NTM: variants seen among roughly 807,000 people sequenced by gnomAD.
NTM encodes neurotrimin.
NTM carries 13 observed loss-of-function variants against 42.1 expected under a neutral mutation model. That is an observed-to-expected ratio of 0.31 (90% CI 0.20 to 0.49). The LOEUF (loss-of-function observed/expected upper bound fraction) is 0.49, where lower values mean the gene tolerates loss of function less well. Ranked by LOEUF, NTM falls within the 20% of genes least tolerant of loss-of-function variation. The probability of loss-of-function intolerance (pLI) is 0.99; values close to 1 mark genes in which losing one functional copy is unlikely to be tolerated. For missense variants in NTM, 373 were observed against 452.8 expected (o/e 0.82, Z 1.60); for synonymous variants, 187 against 179.2 (o/e 1.04, Z -0.35).
intron 1 of NTM, among the ~76,000 whole-genome samples, chr11:131,395,315 A>G (rs1394813356): frequency 6.6e-6 from 1 of 152,230 alleles, no homozygotes; most frequent in Non-Finnish European, 1.5e-5. Context: ...AGAGAGGAAT[A>G]TTGCTTTTAT....
chr11:132,077,428 G>A (rs937895184), intron 2 of NTM, among the ~76,000 whole-genome samples: 1 of 152,196 alleles, frequency 6.6e-6, no homozygotes, highest in African/African-American at 2.4e-5. Flanking sequence ...AGGGCAAGAG[G>A]GAAAATACCA....
At chr11:131,404,194 G>A (rs755387287) in intron 1 of NTM, among the ~76,000 whole-genome samples, 9 of 151,904 alleles carry the variant, frequency 5.9e-5, no homozygotes, top group Non-Finnish European at 1.0e-4. Context: ...TCGCACTTCC[G>A]CTTTCCAGCC....
intron 1 of NTM, among the ~76,000 whole-genome samples, chr11:131,775,665 G>A (rs988150290): frequency 2.6e-5 from 4 of 152,074 alleles, no homozygotes; most frequent in African/African-American, 9.7e-5. Flanking sequence ...GCAATTCTTG[G>A]TATATGGTAT....
intron 4 of NTM, among the ~76,000 whole-genome samples, chr11:132,305,619 C>T (rs561041486): frequency 2.0e-5 from 3 of 152,126 alleles, no homozygotes; most frequent in Non-Finnish European, 4.4e-5. Flanking sequence ...AGCATTCTGG[C>T]AGGGGAAGAT....
intron 2 of NTM, among the ~76,000 whole-genome samples, chr11:132,118,034 G>A (rs2064147573): frequency 6.6e-6 from 1 of 152,182 alleles, no homozygotes; most frequent in African/African-American, 2.4e-5. Flanking sequence ...CCATCTGCCT[G>A]CCTCCATGTC....
chr11:131,868,646 C>T (rs1474965929), intron 1 of NTM, among the ~76,000 whole-genome samples: 1 of 152,226 alleles, frequency 6.6e-6, no homozygotes, highest in Non-Finnish European at 1.5e-5. Context: ...TGTCCGTGCA[C>T]ACCCTGAGCT....
chr11:131,849,227 T>C (rs1277295329), intron 1 of NTM, among the ~76,000 whole-genome samples: 1 of 152,192 alleles, frequency 6.6e-6, no homozygotes, highest in Non-Finnish European at 1.5e-5. Flanking sequence ...TAATGTGTTT[T>C]GGGTCAAGTA....
At chr11:131,646,041 C>T (rs117035419) in intron 1 of NTM, among the ~76,000 whole-genome samples, 2 of 152,326 alleles carry the variant, frequency 1.3e-5, no homozygotes, top group African/African-American at 2.4e-5. Flanking sequence ...CATGTATGTG[C>T]ATGGTTAGCA....
intron 1 of NTM, among the ~76,000 whole-genome samples, chr11:131,636,572 T>G (rs2064420724): frequency 6.6e-6 from 1 of 152,198 alleles, no homozygotes; most frequent in African/African-American, 2.4e-5. Flanking sequence ...GCAGACTGCC[T>G]GGCATCTGTG....
intron 2 of NTM, among the ~76,000 whole-genome samples, chr11:132,038,811 C>T (rs1043777611): frequency 2.0e-5 from 3 of 152,200 alleles, no homozygotes; most frequent in Non-Finnish European, 4.4e-5. Context: ...CGCCTGTCTG[C>T]CTTCCTCACG....
chr11:131,735,340 T>C (rs1021160908), intron 1 of NTM, among the ~76,000 whole-genome samples: 4 of 152,204 alleles, frequency 2.6e-5, no homozygotes, highest in African/African-American at 9.6e-5. Flanking sequence ...TGACCCTCAG[T>C]GCCTCCATCG....
At chr11:131,400,026 A>G (rs566860434) in intron 1 of NTM, among the ~76,000 whole-genome samples, 12 of 152,282 alleles carry the variant, frequency 7.9e-5, no homozygotes, top group African/African-American at 2.2e-4. Flanking sequence ...TATGCTATGT[A>G]TGGGGCCTGA....
chr11:132,189,641 T>TACACACAC (rs35740557), intron 3 of NTM, among the ~76,000 whole-genome samples: 2,150 of 149,194 alleles, frequency 0.014, 54 homozygotes, highest in African/African-American at 0.049. Flanking sequence ...TCACGGCAGA[T>TACACACAC]ACACACACAC....
chr11:132,304,203 T>C (rs988969610), intron 4 of NTM, among the ~76,000 whole-genome samples: 4 of 152,134 alleles, frequency 2.6e-5, no homozygotes, highest in Non-Finnish European at 5.9e-5. Context: ...TCTGAAGAAG[T>C]GGACCATGAT....
In NTM at chr11:131,904,303, C is replaced by T. The variant is rs898321873; in HGVS notation, c.83-7261C>T. 2.6e-5 allele frequency among the ~76,000 whole-genome samples: 4 copies of T among 151,920 alleles called. No individual in the cohort carries two copies. The East Asian group carries it at 7.8e-4, about 29-fold the overall frequency. ...CCAAGTTCCTCTGAGAGTTTAAAAC[C>T]CCAAGTTAAAACCTGGGGTTTTAAA... On this transcript the variant is annotated intron_variant, in intron 1 of 8. Coordinates refer to ENST00000683400, the MANE Select transcript of NTM (RefSeq NM_001352005.2).
chr11:131,407,161 G>A (rs2512642), intron 1 of NTM, among the ~76,000 whole-genome samples: 9,892 of 152,244 alleles, frequency 0.065, 449 homozygotes, highest in Non-Finnish European at 0.098. Context: ...TGGCTTGAGG[G>A]TGTCCAGAGA....
intron 1 of NTM, among the ~76,000 whole-genome samples, chr11:131,562,838 C>A (rs917111801): frequency 6.6e-6 from 1 of 152,228 alleles, no homozygotes; most frequent in Non-Finnish European, 1.5e-5. Flanking sequence ...CGACAAACAG[C>A]CCGAACCTTG....
intron 1 of NTM, among the ~76,000 whole-genome samples, chr11:131,666,595 A>G (rs1338684842): frequency 2.6e-5 from 4 of 152,222 alleles, no homozygotes; most frequent in Admixed American, 1.3e-4. Context: ...CATTTCTGAC[A>G]TCCTGAGATG....
At chr11:131,859,575 G>A (rs899054355) in intron 1 of NTM, among the ~76,000 whole-genome samples, 3 of 152,158 alleles carry the variant, frequency 2.0e-5, no homozygotes, top group Non-Finnish European at 4.4e-5. Context: ...ACACATACTC[G>A]AGTGGGATCT....
Sources: allele counts gnomAD v4.1 joint callset (sites outside exome capture counted in the v4.1 genomes callset), GRCh38; gene constraint gnomAD v4.1.1; transcripts MANE v1.5; gene names NCBI Gene and HGNC (gene_info 2026-07-23, HGNC 2026-07-21).